Variants in LARGE1 observed in about 807,000 individuals in gnomAD.
LARGE1 encodes the protein xylosyl- and glucuronyltransferase LARGE1.
LARGE1 carries 43 observed loss-of-function variants against 87.6 expected under a neutral mutation model. The observed-to-expected ratio is 0.49, with a 90% CI of 0.38 to 0.63. The LOEUF is 0.63. Among genes scored for constraint, LARGE1 ranks in the 30% least tolerant of loss-of-function variants. LARGE1 has a pLI of 0.00. For synonymous variants in LARGE1, 434 were observed against 394.6 expected (o/e 1.10, Z -1.18); for missense variants, 802 against 1,000.2 (o/e 0.80, Z 2.67).
intron 1 of LARGE1, among the ~76,000 whole-genome samples, chr22:33,809,511 T>C (rs1350356089): frequency 1.3e-5 from 2 of 152,238 alleles, no homozygotes; most frequent in African/African-American, 2.4e-5. Flanking sequence ...CAAGGACAGA[T>C]GGATGAATAG....
chr22:33,530,965 T>C lies in LARGE1; in HGVS notation c.787+33883A>G, dbSNP rs552739893. On this transcript the variant is annotated intron_variant, in intron 6 of 14. Transcript: ENST00000397394. ...AGAGCTTGACTCTCTACCCAGTCAT[T>C]CAATGTGGACAGGGCACTGATATCT... 2.0e-5 allele frequency among the ~76,000 whole-genome samples: 3 copies of C among 152,270 alleles called. No individual in the cohort carries two copies. In the South Asian group the frequency reaches 6.2e-4, roughly 32 times the overall value.
At chr22:33,718,408 T>A (rs1421187922) in intron 2 of LARGE1, among the ~76,000 whole-genome samples, 2 of 152,244 alleles carry the variant, frequency 1.3e-5, no homozygotes, top group East Asian at 3.8e-4. Context: ...AGACTGAGGC[T>A]AAGAAAATAG....
intron 1 of LARGE1, among the ~76,000 whole-genome samples, chr22:33,914,148 T>C (rs2146975859): frequency 6.6e-6 from 1 of 152,302 alleles, no homozygotes; most frequent in East Asian, 1.9e-4. Context: ...TCAGATCTCC[T>C]CTTTCCTCTA....
At chr22:33,838,643 A>AATAG (rs1452354361) in intron 1 of LARGE1, among the ~76,000 whole-genome samples, 2 of 152,148 alleles carry the variant, frequency 1.3e-5, no homozygotes, top group Admixed American at 1.3e-4. Flanking sequence ...TAAATAAATA[A>AATAG]ATAATTGTCC....
the LARGE1 span, among the ~76,000 whole-genome samples, chr22:33,130,206 C>T: frequency 1.3e-5 from 2 of 149,774 alleles, no homozygotes; most frequent in African/African-American, 2.5e-5. Context: ...CCCAGCTACT[C>T]TGGAGGCTGA....
intron 6 of LARGE1, among the ~76,000 whole-genome samples, chr22:33,543,417 C>A (rs776471378): frequency 6.6e-6 from 1 of 152,114 alleles, no homozygotes; most frequent in South Asian, 2.1e-4. Flanking sequence ...ATCCTCTAAA[C>A]GGCTACAGAA....
At chr22:33,152,910 C>T in the LARGE1 span, among the ~76,000 whole-genome samples, 1 of 151,924 alleles carries the variant, frequency 6.6e-6, no homozygotes, top group Non-Finnish European at 1.5e-5. Context: ...TTTCCATTTT[C>T]CTGATGGTAA....
intron 6 of LARGE1, among the ~76,000 whole-genome samples, chr22:33,508,016 A>G (rs1602169164): frequency 6.6e-6 from 1 of 152,226 alleles, no homozygotes; most frequent in South Asian, 2.1e-4. Context: ...TGAAGGAAGA[A>G]AAGAGACAGA....
intron 2 of LARGE1, chr22:33,733,608 T>C (rs147764267): frequency 2.6e-5 from 4 of 151,762 alleles, no homozygotes; most frequent in African/African-American, 9.6e-5. Context: ...AATGAAGAAA[T>C]CAAGAGACTA....
At chr22:33,442,078 G>C (rs536813945) in intron 6 of LARGE1, among the ~76,000 whole-genome samples, 2 of 152,194 alleles carry the variant, frequency 1.3e-5, no homozygotes, top group Non-Finnish European at 2.9e-5. Flanking sequence ...CTTGAAAGAA[G>C]AGTTAGGCTG....
chr22:33,433,430 A>G (rs1432406367), intron 6 of LARGE1, among the ~76,000 whole-genome samples: 2 of 151,896 alleles, frequency 1.3e-5, no homozygotes, highest in African/African-American at 4.8e-5. Context: ...CCCCATCTCT[A>G]CTAAAAATAC....
At chr22:33,881,559 C>T (rs2064684412) in intron 1 of LARGE1, among the ~76,000 whole-genome samples, 1 of 152,206 alleles carries the variant, frequency 6.6e-6, no homozygotes, top group African/African-American at 2.4e-5. Context: ...AAATATGTTT[C>T]CATGGCAAAT....
chr22:33,805,737 AAATAAATAAATAAGTAAATAAATG>A (rs1212458009), intron 1 of LARGE1, among the ~76,000 whole-genome samples: 1 of 81,510 alleles, frequency 1.2e-5, no homozygotes, highest in Admixed American at 1.3e-4. Flanking sequence ...CTGTCTCAAA[AAATAAATAAATAAGTAAATAAATG>A]AATAAATAAA....
chr22:33,832,044 A>T (rs1399919660), intron 1 of LARGE1, among the ~76,000 whole-genome samples: 1 of 152,158 alleles, frequency 6.6e-6, no homozygotes, highest in Non-Finnish European at 1.5e-5. Context: ...AGCTAACACC[A>T]ACTCAGCTTT....
At chr22:33,518,527 T>C (rs1235382608) in intron 6 of LARGE1, among the ~76,000 whole-genome samples, 1 of 152,216 alleles carries the variant, frequency 6.6e-6, no homozygotes, top group Non-Finnish European at 1.5e-5. Flanking sequence ...CAGGCTGATC[T>C]CGAACTCCTG....
intron 1 of LARGE1, among the ~76,000 whole-genome samples, chr22:33,772,972 A>G (rs2085119629): frequency 6.6e-6 from 1 of 152,230 alleles, no homozygotes; most frequent in African/African-American, 2.4e-5. Flanking sequence ...GTCTGACTGT[A>G]CAACATCTGT....
At chr22:33,860,667 C>T (rs1483995276) in intron 1 of LARGE1, among the ~76,000 whole-genome samples, 1 of 152,112 alleles carries the variant, frequency 6.6e-6, no homozygotes, top group Admixed American at 6.5e-5. Flanking sequence ...TGAGGATGGG[C>T]GTGCAACCGT....
chr22:33,072,007 G>A, the LARGE1 span, among the ~76,000 whole-genome samples: 1 of 151,302 alleles, frequency 6.6e-6, no homozygotes, highest in African/African-American at 2.4e-5. Flanking sequence ...GAGCACTACA[G>A]GTCCTTTATA....
Position 33,829,416 on chromosome 22 carries a change from C to T in LARGE1, c.-82-67858G>A, listed in dbSNP as rs562739213. 3.1e-4 allele frequency among the ~76,000 whole-genome samples: 47 copies of T among 152,290 alleles called. No individual in the cohort carries two copies. In the East Asian group the frequency reaches 8.9e-3, roughly 29 times the overall value. On this transcript the variant is annotated intron_variant, in intron 1 of 14. Coordinates refer to ENST00000397394, the MANE Select transcript of LARGE1 (RefSeq NM_133642.5). ...GCCATATTTCCCCTTCTCACCACTCCATGCCACCTGACGTATTTCATACCT... is the reference window on the plus strand; with the variant it reads ...GCCATATTTCCCCTTCTCACCACTCTATGCCACCTGACGTATTTCATACCT...
Sources: gnomAD v4.1 joint callset for allele counts (sites outside exome capture counted in the v4.1 genomes callset) on GRCh38, gnomAD v4.1.1 for gene constraint, MANE v1.5 for transcripts, NCBI Gene and HGNC (gene_info 2026-07-23, HGNC 2026-07-21) for gene names.